CMC2: variants seen among roughly 807,000 people sequenced by gnomAD.
CMC2 encodes the protein C-X9-C motif containing 2, also known as COX assembly mitochondrial protein 2 homolog.
A neutral mutation model predicts 7.5 loss-of-function variants in CMC2; 5 were observed. The observed-to-expected ratio is 0.66, with a 90% CI of 0.35 to 1.40. The LOEUF is 1.40. Ranked by LOEUF, CMC2 falls within the 40% of genes most tolerant of loss-of-function variation. The pLI is 0.04. For missense variants in CMC2, 115 were observed against 92.3 expected (o/e 1.25, Z -1.01); for synonymous variants, 37 against 31.4 (o/e 1.18, Z -0.60).
chr16:81,000,353 G>A (rs12931852), intron 1 of CMC2, among the ~76,000 whole-genome samples: 2,748 of 152,126 alleles, frequency 0.018, 53 homozygotes, highest in East Asian at 0.053. Context: ...AAAATTAGCC[G>A]GGTGTGGTGG....
chr16:80,968,736 T>G lies in CMC2; in HGVS notation c.*7357A>C, dbSNP rs537499107. 6 of 152,220 alleles carry G rather than the reference T, an allele frequency of 3.9e-5. No individual in the cohort carries two copies. The highest frequency in any genetic ancestry group is 8.8e-5 in the Non-Finnish European group (6 of 68,030). The allele number at this position is 152,220 out of a possible 1,614,324, so 9.4% of individuals were successfully genotyped here. ...CAAATATAGTTTTTAAAGGTGTAGT[T>G]GAGCTCACAAGAAAGGAAAGAAAAT... On this transcript the variant is annotated 3_prime_UTR_variant, in exon 4 of 4. Transcript: ENST00000219400.
chr16:80,979,248 T>C (rs1483501877), intron 3 of CMC2, among the ~76,000 whole-genome samples: 1 of 151,892 alleles, frequency 6.6e-6, no homozygotes, highest in Admixed American at 6.6e-5. Flanking sequence ...CATCTACAAA[T>C]TAGAGAATAA....
intron 2 of CMC2, among the ~76,000 whole-genome samples, chr16:80,992,218 A>G (rs1968056217): frequency 6.6e-6 from 1 of 152,244 alleles, no homozygotes; most frequent in South Asian, 2.1e-4. Context: ...ACAGCTGTAT[A>G]GTGCTCCATT....
At chr16:80,997,203 C>T in intron 2 of CMC2, 111 bp downstream of exon 2, 2 of 713,032 alleles carry the variant, frequency 2.8e-6, no homozygotes, top group South Asian at 3.2e-5. Flanking sequence ...TAAACTCAGA[C>T]TCCTTACTAA....
chr16:80,990,544 C>G (rs1967903096), intron 2 of CMC2, among the ~76,000 whole-genome samples: 1 of 152,192 alleles, frequency 6.6e-6, no homozygotes, highest in Non-Finnish European at 1.5e-5. Context: ...CGTAATCAAT[C>G]TCATTAGCTT....
At chr16:80,987,986 G>C (rs576142507) in intron 2 of CMC2, among the ~76,000 whole-genome samples, 3 of 151,900 alleles carry the variant, frequency 2.0e-5, no homozygotes, top group African/African-American at 7.2e-5. Context: ...GATGAGCCTG[G>C]GCAACACAGG....
intron 3 of CMC2, among the ~76,000 whole-genome samples, chr16:80,978,869 C>G (rs1880159015): frequency 6.6e-6 from 1 of 152,104 alleles, no homozygotes; most frequent in African/African-American, 2.4e-5. Context: ...ATAACAAGCT[C>G]AGAAGATCAA....
rs1911674905 is a variant in CMC2 at position 80,968,049 on chromosome 16, A to ACAAGAGTGG, written c.*8035_*8043dup. On this transcript the variant is annotated 3_prime_UTR_variant, in exon 4 of 4. Transcript: ENST00000219400. ...AAAAAAGAGTAAGCTAGAAGTGATG[A>ACAAGAGTGG]CAAGAGTGGATGAAGGTCATTAACC... 6.6e-6 allele frequency: 1 copy of ACAAGAGTGG among 152,232 alleles called. No homozygotes were observed. Among genetic ancestry groups the ACAAGAGTGG allele is most frequent in the Non-Finnish European group, 1.5e-5 (1 of 68,042 alleles). The allele number at this position is 152,232 out of a possible 1,614,324, so 9.4% of individuals were successfully genotyped here. A position where few individuals can be genotyped will look rare whatever the true frequency, so the allele number is the denominator to read the frequency against.
rs201503984 is a variant in CMC2 at position 80,967,810 on chromosome 16, C to T, written c.*8283G>A. The T allele has an allele frequency of 7.9e-5, 12 of 152,190 alleles. No individual in the cohort carries two copies. Among genetic ancestry groups the T allele is most frequent in the Non-Finnish European group, 1.3e-4 (9 of 68,028 alleles). 9.4% of individuals were successfully genotyped at this position (152,190 alleles called of 1,614,324 possible). ...TGCTTTACTTTCTTAGCCCTCTACT[C>T]GCCAGAGTTGAGGAAAAAGTAAATG... is the stretch of plus-strand genomic sequence containing the variant. On this transcript the variant is annotated 3_prime_UTR_variant, in exon 4 of 4. Coordinates refer to ENST00000219400, the MANE Select transcript of CMC2 (RefSeq NM_020188.5).
chr16:80,981,980 T>G (rs1967153370), intron 2 of CMC2, 103 bp from the exon 3 acceptor site: 1 of 644,814 alleles, frequency 1.6e-6, no homozygotes, highest in Admixed American at 3.0e-5. Context: ...ACAGTGTCAC[T>G]TTGTTAATAA....
At chr16:80,980,769 C>A (rs1258369995) in intron 3 of CMC2, 10 of 691,084 alleles carry the variant, frequency 1.4e-5, no homozygotes, top group Admixed American at 4.2e-5. Flanking sequence ...GTGGTACGCA[C>A]CTGTCGTCCT....
In CMC2 at chr16:80,975,252, G is replaced by A. The variant is rs1912195171; in HGVS notation, c.*841C>T. ...CTCGAGTGGACACATTCAACCAAAT[G>A]GGAAAGCAAAGTCTGCTAAGACTCA... On this transcript the variant is annotated 3_prime_UTR_variant, in exon 4 of 4. Transcript: ENST00000219400. 1 of 152,268 alleles carries A rather than the reference G, an allele frequency of 6.6e-6. No individual in the cohort carries two copies. The highest frequency in any genetic ancestry group is 6.5e-5 in the Admixed American group (1 of 15,276). 9.4% of individuals were successfully genotyped at this position (152,268 alleles called of 1,614,324 possible). A position where few individuals can be genotyped will look rare whatever the true frequency, so the allele number is the denominator to read the frequency against.
chr16:80,987,504 C>A (rs1056169055), intron 2 of CMC2, among the ~76,000 whole-genome samples: 10 of 152,164 alleles, frequency 6.6e-5, no homozygotes, highest in Admixed American at 2.0e-4. Flanking sequence ...GTAGCTTTGA[C>A]GAAATAAGCT....
intron 3 of CMC2, chr16:80,978,424 A>T (rs1966867807): frequency 8.1e-7 from 1 of 1,238,034 alleles, no homozygotes; most frequent in Non-Finnish European, 1.1e-6. Flanking sequence ...CCCTGAATAA[A>T]AGGGGAGAAA....
At chr16:80,989,628 G>T (rs1034017171) in intron 2 of CMC2, among the ~76,000 whole-genome samples, 1 of 151,924 alleles carries the variant, frequency 6.6e-6, no homozygotes, top group African/African-American at 2.4e-5. Context: ...ACAAAATCTG[G>T]GCGTTACGTA....
At chr16:80,978,874 G>T (rs1164925442) in intron 3 of CMC2, among the ~76,000 whole-genome samples, 4 of 152,132 alleles carry the variant, frequency 2.6e-5, no homozygotes, top group Non-Finnish European at 5.9e-5. Flanking sequence ...AAGCTCAGAA[G>T]ATCAAGACCA....
chr16:80,996,479 T>C (rs572172195), intron 2 of CMC2, among the ~76,000 whole-genome samples: 5 of 152,336 alleles, frequency 3.3e-5, no homozygotes, highest in African/African-American at 7.2e-5. Flanking sequence ...TTGATCTATA[T>C]GTATAGTGAA....
intron 2 of CMC2, chr16:80,991,728 G>A (rs749695814): frequency 1.6e-5 from 5 of 316,284 alleles, no homozygotes; most frequent in Non-Finnish European, 3.1e-5. Flanking sequence ...GTTGTAGTAT[G>A]CAGCCTTGAT....
rs1911838708 is a variant in CMC2 at position 80,970,456 on chromosome 16, G to A, written c.*5637C>T. 3 of 152,160 alleles carry A rather than the reference G, an allele frequency of 2.0e-5. No individual in the cohort carries two copies. Among genetic ancestry groups the A allele is most frequent in the Admixed American group, 2.0e-4 (3 of 15,256 alleles). 9.4% of individuals were successfully genotyped at this position (152,160 alleles called of 1,614,324 possible). ...ACAATTACCAAAAGGAACTTCCTTAGGGAGGAACAGACATCTTCCAAAAAC... is the reference window on the plus strand; with the variant it reads ...ACAATTACCAAAAGGAACTTCCTTAAGGAGGAACAGACATCTTCCAAAAAC... On this transcript the variant is annotated 3_prime_UTR_variant, in exon 4 of 4. Transcript: ENST00000219400.
Sources: gnomAD v4.1 joint callset for allele counts (sites outside exome capture counted in the v4.1 genomes callset) on GRCh38, gnomAD v4.1.1 for gene constraint, MANE v1.5 for transcripts, NCBI Gene and HGNC (gene_info 2026-07-23, HGNC 2026-07-21) for gene names.